PTPRG: variants seen among roughly 807,000 people sequenced by gnomAD.
PTPRG encodes receptor-type tyrosine-protein phosphatase gamma.
Under a neutral mutation model 165.3 loss-of-function variants are expected in PTPRG, and 102 were observed. The observed-to-expected ratio is 0.62, with a 90% CI of 0.53 to 0.73. PTPRG has a LOEUF of 0.73. PTPRG is among the 30% of genes least tolerant of loss of function. The pLI is 0.00. For missense variants in PTPRG, 1,866 were observed against 1,861.4 expected (o/e 1.00, Z -0.05); for synonymous variants, 675 against 669.5 (o/e 1.01, Z -0.13).
chr3:61,924,542 C>G (rs2107569285), intron 2 of PTPRG, among the ~76,000 whole-genome samples: 1 of 152,322 alleles, frequency 6.6e-6, no homozygotes, highest in Middle Eastern at 3.4e-3. Flanking sequence ...TTCAGCATCT[C>G]CCACGTGCTG....
intron 2 of PTPRG, among the ~76,000 whole-genome samples, chr3:61,823,557 T>C (rs1055609490): frequency 2.3e-5 from 2 of 87,476 alleles, no homozygotes; most frequent in Non-Finnish European, 5.7e-5. Context: ...AAATGTGTTA[T>C]GCATTTTGGG....
At chr3:61,906,586 A>T (rs540751819) in intron 2 of PTPRG, among the ~76,000 whole-genome samples, 23 of 152,302 alleles carry the variant, frequency 1.5e-4, no homozygotes, top group Non-Finnish European at 2.5e-4. Flanking sequence ...CCTGGGCAAC[A>T]TAGGTAGACC....
At chr3:61,962,564 A>G (rs2040178860) in intron 2 of PTPRG, among the ~76,000 whole-genome samples, 1 of 152,208 alleles carries the variant, frequency 6.6e-6, no homozygotes, top group South Asian at 2.1e-4. Context: ...CCACAGTCAC[A>G]TTCATGAAGC....
Position 61,597,796 on chromosome 3 carries a change from A to G in PTPRG, c.85+35424A>G, listed in dbSNP as rs144780016. On this transcript the variant is annotated intron_variant, in intron 1 of 29. Transcript: ENST00000474889. ...TTTGCTAAATATTGATATTTATGTG[A>G]AAATGGATAGAGTGATTTGTGTTAG... is the stretch of plus-strand genomic sequence containing the variant. 3.1e-4 allele frequency among the ~76,000 whole-genome samples: 47 copies of G among 152,350 alleles called. No individual in the cohort carries two copies. In the East Asian group the frequency reaches 8.9e-3, roughly 29 times the overall value.
chr3:61,906,715 G>C (rs1295706705), intron 2 of PTPRG, among the ~76,000 whole-genome samples: 5 of 152,200 alleles, frequency 3.3e-5, no homozygotes, highest in African/African-American at 1.2e-4. Context: ...GGGAGATCAA[G>C]TCTGCAATGT....
intron 2 of PTPRG, among the ~76,000 whole-genome samples, chr3:61,930,638 G>A (rs1021229305): frequency 6.6e-6 from 1 of 152,232 alleles, no homozygotes; most frequent in Non-Finnish European, 1.5e-5. Flanking sequence ...TGGATGTACA[G>A]TTGTTCTTTT....
At chr3:61,886,377 AT>A (rs1319646434) in intron 2 of PTPRG, among the ~76,000 whole-genome samples, 1 of 152,152 alleles carries the variant, frequency 6.6e-6, no homozygotes, top group Non-Finnish European at 1.5e-5. Flanking sequence ...CTAGTAGTTC[AT>A]TTACTTACCT....
intron 1 of PTPRG, among the ~76,000 whole-genome samples, chr3:61,632,867 A>G (rs571284747): frequency 2.8e-4 from 43 of 151,984 alleles, no homozygotes; most frequent in South Asian, 1.2e-3. Flanking sequence ...ACTCTGGACC[A>G]TGTTCTGCAA....
At chr3:62,045,584 T>C (rs542111746) in intron 4 of PTPRG, among the ~76,000 whole-genome samples, 8 of 152,366 alleles carry the variant, frequency 5.3e-5, no homozygotes, top group African/African-American at 1.9e-4. Context: ...GTAGATCTTA[T>C]TGCCCTCAAT....
intron 5 of PTPRG, among the ~76,000 whole-genome samples, chr3:62,079,542 C>G (rs1701496276): frequency 6.6e-6 from 1 of 152,128 alleles, no homozygotes; most frequent in Admixed American, 6.5e-5. Flanking sequence ...GTAAAGCATA[C>G]TGGGTGTATG....
chr3:61,661,616 G>C (rs1325917486), intron 1 of PTPRG, among the ~76,000 whole-genome samples: 1 of 152,094 alleles, frequency 6.6e-6, no homozygotes, highest in Non-Finnish European at 1.5e-5. Flanking sequence ...TTTCATTTTT[G>C]TATATAAATT....
In PTPRG at chr3:61,960,059, G is replaced by T. The variant is rs138401534; in HGVS notation, c.191-29566G>T. Among the ~76,000 whole-genome samples, 9 of 152,184 alleles carry T rather than the reference G, an allele frequency of 5.9e-5. No individual in the cohort carries two copies. The East Asian group carries it at 1.7e-3, about 29-fold the overall frequency. On this transcript the variant is annotated intron_variant, in intron 2 of 29. Coordinates refer to ENST00000474889, the MANE Select transcript of PTPRG (RefSeq NM_002841.4). ...CTTACGTGCCACCTTCTCAGGAGTC[G>T]CTGTATTCTGTAGGGTCTCCTTGAT...
intron 2 of PTPRG, among the ~76,000 whole-genome samples, chr3:61,867,732 T>G (rs1219833440): frequency 6.6e-6 from 1 of 152,174 alleles, no homozygotes; most frequent in African/African-American, 2.4e-5. Context: ...TCTGAGCGTT[T>G]ATCTTGCATC....
chr3:62,159,047 C>T (rs74469384), intron 7 of PTPRG, among the ~76,000 whole-genome samples: 2,057 of 151,858 alleles, frequency 0.014, 29 homozygotes, highest in Middle Eastern at 0.02. Context: ...GAAAGGTTTA[C>T]GGCTCAGTGG....
At chr3:61,935,662 ATCGTAT>A (rs1027267024) in intron 2 of PTPRG, among the ~76,000 whole-genome samples, 7 of 146,118 alleles carry the variant, frequency 4.8e-5, no homozygotes, top group Non-Finnish European at 7.6e-5. Flanking sequence ...TCTTTTTTTA[ATCGTAT>A]TCTTATTCTC....
At chr3:62,253,274 A>T (rs1316601740) in intron 15 of PTPRG, among the ~76,000 whole-genome samples, 1 of 152,120 alleles carries the variant, frequency 6.6e-6, no homozygotes, top group African/African-American at 2.4e-5. Context: ...AGTTCTCGGG[A>T]ATCTAAAATT....
At chr3:61,569,466 T>C (rs964116957) in intron 1 of PTPRG, among the ~76,000 whole-genome samples, 2 of 152,214 alleles carry the variant, frequency 1.3e-5, no homozygotes, top group African/African-American at 4.8e-5. Flanking sequence ...ATAACCATTT[T>C]TTTAAATCAA....
chr3:61,961,180 G>C (rs2040144896), intron 2 of PTPRG, among the ~76,000 whole-genome samples: 1 of 152,114 alleles, frequency 6.6e-6, no homozygotes, highest in Non-Finnish European at 1.5e-5. Context: ...CTGGAAGGAG[G>C]GGCCAGGAAG....
At chr3:62,040,069 A>G (rs1487703055) in intron 4 of PTPRG, among the ~76,000 whole-genome samples, 3 of 152,348 alleles carry the variant, frequency 2.0e-5, no homozygotes, top group East Asian at 1.9e-4. Flanking sequence ...AGTCTTTAAT[A>G]TTTAAAATGT....
Sources: gnomAD v4.1 joint callset for allele counts (sites outside exome capture counted in the v4.1 genomes callset) on GRCh38, gnomAD v4.1.1 for gene constraint, MANE v1.5 for transcripts, NCBI Gene and HGNC (gene_info 2026-07-23, HGNC 2026-07-21) for gene names.